Variants in FAM81B observed in about 807,000 individuals in gnomAD.
The protein encoded by FAM81B is family with sequence similarity 81 member B.
In FAM81B, 60 loss-of-function variants were observed where a neutral mutation model predicts 58.7. The observed-to-expected ratio is 1.02, with a 90% CI of 0.83 to 1.27. The LOEUF is 1.27. FAM81B is among the 50% of genes most tolerant of loss of function. The pLI, the probability that FAM81B is intolerant of heterozygous loss-of-function variation, is 0.00. For missense variants in FAM81B, 491 were observed against 522.0 expected (o/e 0.94, Z 0.58); for synonymous variants, 189 against 179.6 (o/e 1.05, Z -0.42).
At chr5:95,427,449 C>T (rs1025971695) in intron 5 of FAM81B, among the ~76,000 whole-genome samples, 1 of 152,134 alleles carries the variant, frequency 6.6e-6, no homozygotes, top group African/African-American at 2.4e-5. Flanking sequence ...CCACTACAAC[C>T]ATTTTTAAGG....
intron 3 of FAM81B, among the ~76,000 whole-genome samples, chr5:95,400,579 A>G (rs1297924050): frequency 1.3e-5 from 2 of 152,202 alleles, no homozygotes; most frequent in African/African-American, 4.8e-5. Context: ...TCACATACTG[A>G]GGTATTAAGC....
chr5:95,448,899 A>T, intron 9 of FAM81B: 4 of 331,996 alleles, frequency 1.2e-5, no homozygotes, highest in South Asian at 1.1e-4. Flanking sequence ...TTTAGAAGTG[A>T]GAAAGAGGGA....
chr5:95,399,008 T>G (rs1355262328), intron 3 of FAM81B, among the ~76,000 whole-genome samples: 1 of 152,232 alleles, frequency 6.6e-6, no homozygotes, highest in Non-Finnish European at 1.5e-5. Context: ...ATTCCAACTT[T>G]CCTGAACAAA....
At chr5:95,392,227 A>G (rs1201260980) in intron 1 of FAM81B, among the ~76,000 whole-genome samples, 2 of 152,192 alleles carry the variant, frequency 1.3e-5, no homozygotes, top group Non-Finnish European at 2.9e-5. Flanking sequence ...GCTGGAAACC[A>G]TCATTCTCAG....
intron 7 of FAM81B, chr5:95,440,192 T>C (rs1376473368): frequency 1.6e-6 from 1 of 621,748 alleles, no homozygotes; most frequent in Admixed American, 1.9e-5. Flanking sequence ...AGATTCAAGA[T>C]CAACAAGAAG....
intron 7 of FAM81B, among the ~76,000 whole-genome samples, chr5:95,442,168 T>C (rs769738981): frequency 2.0e-4 from 30 of 152,318 alleles, no homozygotes; most frequent in Non-Finnish European, 2.9e-4. Context: ...AGCCAATGAA[T>C]GAATGAACGA....
intron 1 of FAM81B, 66 bp downstream of exon 1, chr5:95,391,579 T>C: frequency 6.6e-7 from 1 of 1,518,432 alleles, no homozygotes; most frequent in East Asian, 2.3e-5. Context: ...TGTTTCTTAT[T>C]ACATATAAAC....
At chr5:95,414,292 T>C in intron 4 of FAM81B, 102 bp downstream of exon 4, 6 of 1,246,154 alleles carry the variant, frequency 4.8e-6, no homozygotes, top group Non-Finnish European at 6.7e-6. Flanking sequence ...TGCAGAAATA[T>C]ATCACTATTG....
chr5:95,439,252 A>G (rs187701001), intron 7 of FAM81B, among the ~76,000 whole-genome samples: 2 of 142,382 alleles, frequency 1.4e-5, no homozygotes, highest in Non-Finnish European at 3.0e-5. Context: ...ATATATATAT[A>G]TATATATATA....
chr5:95,393,884 C>T (rs188220255), intron 2 of FAM81B, among the ~76,000 whole-genome samples: 351 of 152,194 alleles, frequency 2.3e-3, no homozygotes, highest in Middle Eastern at 6.8e-3. Flanking sequence ...TAAAAAAATT[C>T]CCATAGTGGC....
chr5:95,422,868 C>T (rs918990533), intron 5 of FAM81B, among the ~76,000 whole-genome samples: 4 of 152,120 alleles, frequency 2.6e-5, no homozygotes, highest in Admixed American at 6.5e-5. Flanking sequence ...GCTCTGCTTG[C>T]GTTTTGCTTA....
chr5:95,430,368 T>C (rs1398092687), intron 6 of FAM81B, among the ~76,000 whole-genome samples: 2 of 131,750 alleles, frequency 1.5e-5, no homozygotes. Context: ...TCCCCCTTTA[T>C]TGCACAAAAA....
At chr5:95,410,002 A>G (rs1762365044) in intron 3 of FAM81B, among the ~76,000 whole-genome samples, 1 of 152,200 alleles carries the variant, frequency 6.6e-6, no homozygotes, top group Non-Finnish European at 1.5e-5. Flanking sequence ...ATTTTGTTTA[A>G]GGCTACAAAC....
At chr5:95,439,772 G>A (rs1446408264) in intron 7 of FAM81B, among the ~76,000 whole-genome samples, 4 of 152,072 alleles carry the variant, frequency 2.6e-5, no homozygotes, top group African/African-American at 9.7e-5. Flanking sequence ...AAATGAAGTA[G>A]ATAATGTATA....
chr5:95,392,617 G>C (rs1270231625), intron 1 of FAM81B, among the ~76,000 whole-genome samples, 177 bp from the exon 2 acceptor site: 1 of 152,070 alleles, frequency 6.6e-6, no homozygotes, highest in Non-Finnish European at 1.5e-5. Context: ...AGATGTTATG[G>C]GGGGATGGGG....
Position 95,414,188 on chromosome 5 carries a change from G to C in FAM81B, c.535G>C (p.Glu179Gln). ...CGTCAAAAAACTCAGCCAAAATATT[G>C]AGGTAGTTCTCTTTTTGTTTTATTT... ...SIVKKLSQNIEILEDQIRARD... is the reference protein window; with the variant it reads ...SIVKKLSQNIQILEDQIRARD... Residue 179 changes from glutamate (E) to glutamine (Q), a missense_variant and splice_region_variant, in exon 4 of 10, where the codon GAG becomes CAG. Physicochemically the swap from Glu to Gln is conservative, Grantham distance 29 (BLOSUM62 2). Coordinates refer to ENST00000283357, the MANE Select transcript of FAM81B (RefSeq NM_152548.3). 6.3e-7 allele frequency: 1 copy of C among 1,599,942 alleles called. No homozygotes were observed. The highest frequency in any genetic ancestry group is 1.7e-5 in the Admixed American group (1 of 57,308).
In FAM81B at chr5:95,414,261, C is replaced by A. The variant is rs1469990499; in HGVS notation, c.537+71C>A. 13 of 1,467,846 alleles carry A rather than the reference C, an allele frequency of 8.9e-6. No homozygotes were observed. In the East Asian group the frequency reaches 2.7e-4, roughly 31 times the overall value. 90.9% of individuals were successfully genotyped at this position (1,467,846 alleles called of 1,614,324 possible). On this transcript the variant is annotated intron_variant, in intron 4 of 9. Transcript: ENST00000283357. The stretch of plus-strand genomic sequence containing the variant: ...AGCATTGCTTGATAAAGATTATCAA[C>A]CATCAGTGTCATTTTTCAAGTGCAG...
At chr5:95,432,910 C>A (rs1318698476) in intron 6 of FAM81B, among the ~76,000 whole-genome samples, 1 of 151,862 alleles carries the variant, frequency 6.6e-6, no homozygotes, top group African/African-American at 2.4e-5. Context: ...TTTTTCCTTG[C>A]CTGCAGGGTA....
chr5:95,436,752 T>C, intron 6 of FAM81B, 48 bp from the exon 7 acceptor site: 1 of 1,167,398 alleles, frequency 8.6e-7, no homozygotes, highest in Non-Finnish European at 1.3e-6. Flanking sequence ...TTAATGTGAA[T>C]GCTGGTGGTT....
Sources: gnomAD v4.1 joint callset for allele counts (sites outside exome capture counted in the v4.1 genomes callset) on GRCh38, gnomAD v4.1.1 for gene constraint, MANE v1.5 for transcripts, NCBI Gene and HGNC (gene_info 2026-07-23, HGNC 2026-07-21) for gene names.